The following CCDC148 variants were observed in gnomAD, a reference collection of about 807,000 sequenced individuals.
CCDC148 encodes the protein coiled-coil domain-containing protein 148.
In CCDC148, 89 loss-of-function variants were observed where a neutral mutation model predicts 85.7. The observed-to-expected ratio is 1.04, with a 90% CI of 0.87 to 1.24. The LOEUF (loss-of-function observed/expected upper bound fraction) is 1.24, where lower values mean the gene tolerates loss of function less well. CCDC148 is among the 50% of genes most tolerant of loss of function. CCDC148 has a pLI of 0.00. For missense variants in CCDC148, 692 were observed against 671.7 expected, an observed-to-expected ratio of 1.03 and a Z score of -0.33; for synonymous variants, 230 against 213.9, an observed-to-expected ratio of 1.08 and a Z score of -0.66.
At chr2:158,386,690 T>C (rs1411829892) in intron 1 of CCDC148, among the ~76,000 whole-genome samples, 4 of 152,084 alleles carry the variant, frequency 2.6e-5, no homozygotes, top group Non-Finnish European at 4.4e-5. Flanking sequence ...CTCATACTAT[T>C]CTCTGACACA....
Position 158,171,149 on chromosome 2 carries a change from C to T in CCDC148, c.*964G>A, listed in dbSNP as rs1684311131. The T allele has an allele frequency of 1.3e-5, 2 of 148,554 alleles. No individual in the cohort carries two copies. The highest frequency in any genetic ancestry group is 1.4e-4 in the Admixed American group (2 of 14,680). The allele number at this position is 148,554 out of a possible 1,614,324, so 9.2% of individuals were successfully genotyped here. A position where few individuals can be genotyped will look rare whatever the true frequency, so the allele number is the denominator to read the frequency against. The stretch of plus-strand genomic sequence containing the variant: ...ATGATGTTGGGGACAATCATAAAGT[C>T]AAAGATTCCACTAGTTGGATTGGGC... On this transcript the variant is annotated 3_prime_UTR_variant, in exon 14 of 14. Coordinates refer to ENST00000283233, the MANE Select transcript of CCDC148 (RefSeq NM_138803.4).
intron 9 of CCDC148, among the ~76,000 whole-genome samples, chr2:158,258,569 C>T (rs543421833): frequency 6.6e-6 from 1 of 151,896 alleles, no homozygotes; most frequent in Admixed American, 6.6e-5. Flanking sequence ...TATGCAAACA[C>T]CAACCATTTG....
chr2:158,194,702 G>A (rs1406062565), intron 11 of CCDC148, among the ~76,000 whole-genome samples: 1 of 152,104 alleles, frequency 6.6e-6, no homozygotes, highest in Non-Finnish European at 1.5e-5. Flanking sequence ...CAGCAACAAC[G>A]AGATAGAAAA....
At chr2:158,285,057 G>T (rs1232968441) in intron 9 of CCDC148, among the ~76,000 whole-genome samples, 3 of 152,184 alleles carry the variant, frequency 2.0e-5, no homozygotes, top group African/African-American at 7.2e-5. Flanking sequence ...GGAGGCCAAG[G>T]TGGGTGGATC....
At chr2:158,195,164 T>C (rs1292856069) in intron 11 of CCDC148, among the ~76,000 whole-genome samples, 1 of 152,086 alleles carries the variant, frequency 6.6e-6, no homozygotes, top group African/African-American at 2.4e-5. Context: ...ACTGGCTTTA[T>C]TGGCTTATTC....
chr2:158,318,956 A>T (rs1692407085), intron 7 of CCDC148, among the ~76,000 whole-genome samples: 1 of 151,918 alleles, frequency 6.6e-6, no homozygotes, highest in Non-Finnish European at 1.5e-5. Flanking sequence ...TTCAGTAGAG[A>T]TGGGGTCTTG....
chr2:158,362,851 A>C (rs1247783099), intron 1 of CCDC148, among the ~76,000 whole-genome samples: 1 of 152,190 alleles, frequency 6.6e-6, no homozygotes, highest in Non-Finnish European at 1.5e-5. Context: ...AGAGACACAA[A>C]AAACCCTTCA....
intron 1 of CCDC148, among the ~76,000 whole-genome samples, chr2:158,405,184 A>G (rs1224314324): frequency 6.6e-6 from 1 of 152,172 alleles, no homozygotes; most frequent in African/African-American, 2.4e-5. Context: ...GGAACAGGGA[A>G]GGAGTAGTCA....
chr2:158,274,139 T>C (rs1475707852), intron 9 of CCDC148, among the ~76,000 whole-genome samples: 2 of 152,166 alleles, frequency 1.3e-5, no homozygotes, highest in Admixed American at 1.3e-4. Context: ...TGAATACAAA[T>C]GAAGTTCCCC....
At chr2:158,227,408 T>C (rs1289547351) in intron 10 of CCDC148, among the ~76,000 whole-genome samples, 1 of 151,918 alleles carries the variant, frequency 6.6e-6, no homozygotes, top group African/African-American at 2.4e-5. Flanking sequence ...TTCAATGCCA[T>C]CCCCATCAAG....
chr2:158,406,211 G>C (rs1216085579), intron 1 of CCDC148, among the ~76,000 whole-genome samples: 2 of 152,160 alleles, frequency 1.3e-5, no homozygotes, highest in Non-Finnish European at 2.9e-5. Context: ...TGGCTTGCAA[G>C]AGACCTGAAT....
intron 1 of CCDC148, among the ~76,000 whole-genome samples, chr2:158,446,064 A>C (rs1688144598): frequency 6.6e-6 from 1 of 152,210 alleles, no homozygotes; most frequent in African/African-American, 2.4e-5. Context: ...TTTCAATTCC[A>C]GGGCCGGGGG....
chr2:158,210,875 C>T (rs1201174722), intron 11 of CCDC148, among the ~76,000 whole-genome samples: 3 of 143,746 alleles, frequency 2.1e-5, no homozygotes, highest in Non-Finnish European at 3.0e-5. Context: ...AGGAGAATGG[C>T]GTGAATCTGG....
intron 10 of CCDC148, among the ~76,000 whole-genome samples, chr2:158,247,178 G>T (rs962430904): frequency 7.9e-5 from 12 of 151,956 alleles, no homozygotes; most frequent in Admixed American, 5.9e-4. Flanking sequence ...TTAAAAAATG[G>T]ATTTTAAAAG....
At chr2:158,347,069 A>G (rs974961043) in intron 2 of CCDC148, among the ~76,000 whole-genome samples, 3 of 152,336 alleles carry the variant, frequency 2.0e-5, no homozygotes, top group South Asian at 2.1e-4. Context: ...CCAAAAAAAT[A>G]TAAGTACACA....
chr2:158,212,302 T>C (rs777724795), intron 11 of CCDC148, among the ~76,000 whole-genome samples: 3 of 152,230 alleles, frequency 2.0e-5, no homozygotes, highest in Non-Finnish European at 4.4e-5. Context: ...CAAATGTTTG[T>C]AAAAATTTCT....
At chr2:158,310,152 T>A (rs2105209463) in intron 8 of CCDC148, among the ~76,000 whole-genome samples, 1 of 152,304 alleles carries the variant, frequency 6.6e-6, no homozygotes, top group East Asian at 1.9e-4. Context: ...CCTTCAAGCA[T>A]CTGTTTAACA....
At chr2:158,429,346 C>T (rs1057279211) in intron 1 of CCDC148, among the ~76,000 whole-genome samples, 1 of 146,864 alleles carries the variant, frequency 6.8e-6, no homozygotes, top group Non-Finnish European at 1.5e-5. Flanking sequence ...GTAAGATTTC[C>T]TAGAAAGAGC....
chr2:158,172,166 T>G lies in CCDC148; in HGVS notation c.1723A>C (p.Ser575Arg). 1.2e-6 allele frequency: 2 copies of G among 1,609,942 alleles called. No homozygotes were observed. The change falls in exon 14 of 14, where the codon AGT becomes CGT. Residue 575 changes from serine to arginine, a missense_variant. Transcript: ENST00000283233. ...LYAKEILPKI[S>R]PQKPPRKDME... ...TCCTTTCTTGGAGGTTTTTGAGGAC[T>G]AATTTTTGGTAATATCTCTTTAGCA... is the stretch of plus-strand genomic sequence containing the variant.
Sources: gnomAD v4.1 joint callset for allele counts (sites outside exome capture counted in the v4.1 genomes callset) on GRCh38, gnomAD v4.1.1 for gene constraint, MANE v1.5 for transcripts, NCBI Gene and HGNC (gene_info 2026-07-23, HGNC 2026-07-21) for gene names.